VAV3: variants seen among roughly 807,000 people sequenced by gnomAD.
VAV3 encodes the protein guanine nucleotide exchange factor VAV3.
Under a neutral mutation model 131.2 loss-of-function variants are expected in VAV3, and 94 were observed. The observed-to-expected ratio is 0.72, with a 90% CI of 0.61 to 0.85. The LOEUF is 0.85. VAV3 is among the 40% of genes least tolerant of loss of function. The pLI, the probability that VAV3 is intolerant of heterozygous loss-of-function variation, is 0.00. For synonymous variants in VAV3, 349 were observed against 342.0 expected (o/e 1.02, Z -0.22); for missense variants, 939 against 1,002.7 (o/e 0.94, Z 0.86).
chr1:107,790,564 G>A (rs1216811988), intron 2 of VAV3, among the ~76,000 whole-genome samples: 3 of 152,152 alleles, frequency 2.0e-5, no homozygotes, highest in Non-Finnish European at 4.4e-5. Context: ...CTGAGGGACA[G>A]GGGAATTGAG....
At chr1:107,963,864 T>C (rs953322032) in intron 1 of VAV3, among the ~76,000 whole-genome samples, 5 of 152,264 alleles carry the variant, frequency 3.3e-5, no homozygotes, top group East Asian at 3.8e-4. Flanking sequence ...ACTGTGACTT[T>C]TGAGCTGACT....
intron 2 of VAV3, among the ~76,000 whole-genome samples, chr1:107,803,488 CTTAAT>C (rs1446020030): frequency 6.6e-6 from 1 of 151,940 alleles, no homozygotes; most frequent in Non-Finnish European, 1.5e-5. Flanking sequence ...AAATTTCTTT[CTTAAT>C]TTATTCATTG....
rs533316001 is a variant in VAV3, at chr1:107,759,693, C to T, written c.1017+1091G>A. Among the ~76,000 whole-genome samples, 9 of 152,122 alleles carry T rather than the reference C, an allele frequency of 5.9e-5. No homozygotes were observed. The South Asian group carries it at 1.9e-3, about 32-fold the overall frequency. On this transcript the variant is annotated intron_variant, in intron 10 of 26. Coordinates refer to ENST00000370056, the MANE Select transcript of VAV3 (RefSeq NM_006113.5). The stretch of plus-strand genomic sequence containing the variant: ...AAGGGAAATTAGGGGGAACAGTTTA[C>T]TAAATTTCAAAAAAGTATAGTTGTA...
chr1:107,820,449 G>A (rs1489359823), intron 2 of VAV3, among the ~76,000 whole-genome samples: 3 of 151,952 alleles, frequency 2.0e-5, no homozygotes, highest in Non-Finnish European at 4.4e-5. Flanking sequence ...TAGAAGAATG[G>A]TTACTGAGGC....
chr1:107,650,902 G>A (rs1010227344), intron 19 of VAV3, among the ~76,000 whole-genome samples: 1 of 151,912 alleles, frequency 6.6e-6, no homozygotes, highest in Non-Finnish European at 1.5e-5. Context: ...GTCCAACAAT[G>A]ATAGACTGGA....
rs528047679 is a variant in VAV3, at chr1:107,681,811, C to T, written c.1777+1677G>A. 3.3e-3 allele frequency among the ~76,000 whole-genome samples: 496 copies of T among 152,054 alleles called. 3 individuals carry two copies. Among genetic ancestry groups the T allele is most frequent in the African/African-American group, 0.012 (482 of 41,476 alleles). ...TGGGACTACAGGCACCCGCCACCACCCCCAGCTATTTTTTTTTTGCTTGTA... is the reference window on the plus strand; with the variant it reads ...TGGGACTACAGGCACCCGCCACCACTCCCAGCTATTTTTTTTTTGCTTGTA... On this transcript the variant is annotated intron_variant, in intron 19 of 26. Transcript: ENST00000370056.
chr1:107,599,117 T>C (rs766218330), intron 24 of VAV3, among the ~76,000 whole-genome samples: 14 of 152,070 alleles, frequency 9.2e-5, no homozygotes, highest in Non-Finnish European at 7.4e-5. Context: ...GAAGAAAAAA[T>C]GAGTTTTCCA....
chr1:107,682,351 A>G (rs1658696561), intron 19 of VAV3, among the ~76,000 whole-genome samples: 1 of 152,226 alleles, frequency 6.6e-6, no homozygotes, highest in South Asian at 2.1e-4. Context: ...CTCACACAAA[A>G]TAAGACAAAA....
At chr1:107,618,979 T>C (rs539526272) in intron 20 of VAV3, among the ~76,000 whole-genome samples, 13 of 151,874 alleles carry the variant, frequency 8.6e-5, no homozygotes, top group South Asian at 2.1e-4. Flanking sequence ...ACTTTCGGAG[T>C]TGAGAATATC....
chr1:107,772,922 A>G (rs913467004), intron 4 of VAV3, 79 bp from the exon 5 acceptor site: 5 of 1,225,210 alleles, frequency 4.1e-6, no homozygotes, highest in Non-Finnish European at 5.8e-6. Context: ...ACTGGATTTT[A>G]GTAAAAAATC....
At chr1:107,615,731 A>C (rs1261022290) in intron 21 of VAV3, among the ~76,000 whole-genome samples, 1 of 152,124 alleles carries the variant, frequency 6.6e-6, no homozygotes, top group Non-Finnish European at 1.5e-5. Context: ...GCATCTATAA[A>C]AAATGTAAAT....
At chr1:107,640,564 G>T (rs1655268275) in intron 20 of VAV3, among the ~76,000 whole-genome samples, 1 of 152,170 alleles carries the variant, frequency 6.6e-6, no homozygotes. Context: ...CCTGATTATA[G>T]TGATAGTTTC....
rs1464347463 is a variant in VAV3 at position 107,571,720 on chromosome 1, A to C, written c.*1611T>G. The C allele has an allele frequency of 6.5e-6, 1 of 152,688 alleles. No individual in the cohort carries two copies. The highest frequency in any genetic ancestry group is 2.4e-5 in the African/African-American group (1 of 41,472). 9.5% of individuals were successfully genotyped at this position (152,688 alleles called of 1,614,324 possible). On this transcript the variant is annotated 3_prime_UTR_variant, in exon 27 of 27. Coordinates refer to ENST00000370056, the MANE Select transcript of VAV3 (RefSeq NM_006113.5). ...ATCATTTACACATATACAAAGACTT[A>C]AATGGTTTTAGCAAATAATAATTTT...
intron 1 of VAV3, among the ~76,000 whole-genome samples, chr1:107,958,902 G>C (rs1309646265): frequency 6.6e-6 from 1 of 152,086 alleles, no homozygotes; most frequent in Non-Finnish European, 1.5e-5. Context: ...TACCATATGA[G>C]AAAATCTGTC....
At chr1:107,608,195 A>T (rs1276772455) in intron 22 of VAV3, among the ~76,000 whole-genome samples, 1 of 152,172 alleles carries the variant, frequency 6.6e-6, no homozygotes, top group Non-Finnish European at 1.5e-5. Flanking sequence ...CATATTGGCA[A>T]GGGTGCATTT....
intron 19 of VAV3, among the ~76,000 whole-genome samples, chr1:107,644,448 G>C (rs891943977): frequency 2.0e-5 from 3 of 152,028 alleles, no homozygotes; most frequent in African/African-American, 7.2e-5. Context: ...GGGTAATTTT[G>C]TTTTTCTGAC....
intron 2 of VAV3, among the ~76,000 whole-genome samples, chr1:107,868,309 T>C (rs145966163): frequency 3.9e-5 from 6 of 152,282 alleles, no homozygotes; most frequent in East Asian, 1.9e-4. Context: ...CATATGTATA[T>C]ATGAAAAAAT....
intron 1 of VAV3, among the ~76,000 whole-genome samples, chr1:107,905,954 A>T (rs1414382673): frequency 6.6e-6 from 1 of 152,220 alleles, no homozygotes; most frequent in African/African-American, 2.4e-5. Context: ...TGCTTTCAAC[A>T]CAAGTGAAGA....
intron 1 of VAV3, among the ~76,000 whole-genome samples, chr1:107,932,661 AC>A (rs1470178413): frequency 6.6e-6 from 1 of 152,214 alleles, no homozygotes; most frequent in Non-Finnish European, 1.5e-5. Flanking sequence ...ATACTGGATT[AC>A]CTGGGTGAGT....
Sources: gnomAD v4.1 joint callset for allele counts (sites outside exome capture counted in the v4.1 genomes callset) on GRCh38, gnomAD v4.1.1 for gene constraint, MANE v1.5 for transcripts, NCBI Gene and HGNC (gene_info 2026-07-23, HGNC 2026-07-21) for gene names.